The following FBXL18 variants were observed in gnomAD, a reference collection of about 807,000 sequenced individuals.
FBXL18 encodes F-box/LRR-repeat protein 18.
FBXL18 carries 36 observed loss-of-function variants against 46.0 expected under a neutral mutation model. The observed-to-expected ratio is 0.78, with a 90% CI of 0.60 to 1.03. The LOEUF (loss-of-function observed/expected upper bound fraction) is 1.03, where lower values mean the gene tolerates loss of function less well. FBXL18 is among the 50% of genes least tolerant of loss of function. FBXL18 has a pLI of 0.00. For missense variants in FBXL18, 977 were observed against 1,004.1 expected, an observed-to-expected ratio of 0.97 and a Z score of 0.36; for synonymous variants, 557 against 465.3, an observed-to-expected ratio of 1.20 and a Z score of -2.54.
At chr7:5,484,812 T>A (rs1302321880) in intron 4 of FBXL18, among the ~76,000 whole-genome samples, 1 of 152,012 alleles carries the variant, frequency 6.6e-6, no homozygotes, top group Non-Finnish European at 1.5e-5. Flanking sequence ...CTAATTTTTG[T>A]ATCTTTAGTA....
rs1446235137 is a variant in FBXL18, at chr7:5,500,801, G to C, written c.1468C>G (p.Leu490Val). The C allele has an allele frequency of 1.9e-6, 3 of 1,612,538 alleles. No individual in the cohort carries two copies. Among genetic ancestry groups the C allele is most frequent in the Admixed American group, 3.3e-5 (2 of 59,958 alleles). ...KNLPFLEHLE[L>V]IGSNFSSAMP... ...GCGGAGGAGAAGTTGGACCCAATCAGCTCGAGGTGTTCCAGGAAGGGCAGG... is the reference window on the plus strand; with the variant it reads ...GCGGAGGAGAAGTTGGACCCAATCACCTCGAGGTGTTCCAGGAAGGGCAGG... Residue 490 changes from leucine to valine, a missense_variant, in exon 3 of 5, where the codon CTG (leucine) becomes GTG (valine). Transcript: ENST00000382368.
chr7:5,473,133 G>C (rs1217904896), downstream of FBXL18, among the ~76,000 whole-genome samples: 1 of 152,128 alleles, frequency 6.6e-6, no homozygotes, highest in Non-Finnish European at 1.5e-5. Context: ...GGGACGGTGT[G>C]TACATGTCAA....
chr7:5,481,864 C>T lies in FBXL18; in HGVS notation c.2068G>A (p.Val690Ile). Residue 690 changes from valine (V) to isoleucine (I), a missense_variant, in exon 5 of 5, where the codon GTC becomes ATC. Transcript: ENST00000382368. Reference sequence around the variant, plus strand: ...TGCACCAGGGGGACGTCCCGGATGACGTCGGTCAGGCCCTCGTGGAGCAGA... The same window carrying T: ...TGCACCAGGGGGACGTCCCGGATGATGTCGGTCAGGCCCTCGTGGAGCAGA... ...FPLLHEGLTD[V>I]IRDVPLVHLD... 4.3e-6 allele frequency: 7 copies of T among 1,613,814 alleles called. No individual in the cohort carries two copies. The highest frequency in any genetic ancestry group is 3.3e-5 in the South Asian group (3 of 91,080).
chr7:5,499,144 C>T (rs759000825), intron 3 of FBXL18, among the ~76,000 whole-genome samples: 1 of 152,196 alleles, frequency 6.6e-6, no homozygotes, highest in Admixed American at 6.5e-5. Context: ...CATCACCTCC[C>T]AGGAGTCTGT....
At position 5,503,198 on chromosome 7, in the gene FBXL18, T is replaced by C. The variant is rs188334250; in HGVS notation, c.238-1167A>G. Among the ~76,000 whole-genome samples, 148 of 152,326 alleles carry C rather than the reference T, an allele frequency of 9.7e-4. 1 individual carries two copies. In the South Asian group the frequency reaches 0.021, roughly 22 times the overall value. ...GGGATGGAGACCAGCTTGGGAAACATAGCGAGACCCCATATCTACCAAAAA... is the reference window on the plus strand; with the variant it reads ...GGGATGGAGACCAGCTTGGGAAACACAGCGAGACCCCATATCTACCAAAAA... On this transcript the variant is annotated intron_variant, in intron 2 of 4. Coordinates refer to ENST00000382368, the MANE Select transcript of FBXL18 (RefSeq NM_024963.6).
chr7:5,501,534 C>T lies in FBXL18; in HGVS notation c.735G>A (p.Glu245=). The change falls in exon 3 of 5, where the codon GAG becomes GAA. Residue 245 remains glutamate, a synonymous_variant. Coordinates refer to ENST00000382368, the MANE Select transcript of FBXL18 (RefSeq NM_024963.6). The stretch of plus-strand genomic sequence containing the variant: ...GCACAGCCAGGTAGAGCCGCACCAC[C>T]TCCTGGTTGATGTAGCCGGGGGCCA... ...ARLAPGYINQ[E]VVRLYLAVLS... The T allele has an allele frequency of 6.2e-7, 1 of 1,613,952 alleles. No homozygotes were observed. The highest frequency in any genetic ancestry group is 8.5e-7 in the Non-Finnish European group (1 of 1,180,012).
intron 3 of FBXL18, among the ~76,000 whole-genome samples, chr7:5,499,803 C>T (rs573371491): frequency 1.5e-4 from 22 of 151,118 alleles, no homozygotes; most frequent in African/African-American, 3.2e-4. Context: ...CCTGTAATCC[C>T]AGCACCAGCA....
At position 5,478,135 on chromosome 7, in the gene FBXL18, G is replaced by A. The variant is rs186094440; in HGVS notation, c.*3640C>T. The A allele has an allele frequency of 4.0e-3, 607 of 152,496 alleles. No homozygotes were observed. The highest frequency in any genetic ancestry group is 7.0e-3 in the South Asian group (34 of 4,834). The allele number at this position is 152,496 out of a possible 1,614,324, so 9.4% of individuals were successfully genotyped here. A position where few individuals can be genotyped will look rare whatever the true frequency, so the allele number is the denominator to read the frequency against. On this transcript the variant is annotated 3_prime_UTR_variant, in exon 5 of 5. Transcript: ENST00000382368. ...CCCGTCCTGGCTGCCGTCCTGGGTC[G>A]AAGCAGCAAGTGTCTTCCCGCCCTG...
At chr7:5,503,881 C>T (rs1405562031) in intron 2 of FBXL18, among the ~76,000 whole-genome samples, 4 of 151,700 alleles carry the variant, frequency 2.6e-5, no homozygotes, top group South Asian at 2.1e-4. Flanking sequence ...GCAGGAAAAA[C>T]GCTTGAACCC....
intron 4 of FBXL18, among the ~76,000 whole-genome samples, chr7:5,460,250 CAAA>C (rs767563355): frequency 6.6e-6 from 1 of 151,666 alleles, no homozygotes; most frequent in Non-Finnish European, 1.5e-5. Context: ...ACTCGGTCTC[CAAA>C]AAAACAAACA....
At chr7:5,498,230 G>C (rs545639430) in intron 3 of FBXL18, among the ~76,000 whole-genome samples, 1 of 151,960 alleles carries the variant, frequency 6.6e-6, no homozygotes, top group African/African-American at 2.4e-5. Context: ...TGGGACTACA[G>C]GCGCCCACCA....
Position 5,501,893 on chromosome 7 carries a change from G to C in FBXL18, c.376C>G (p.Leu126Val). The C allele has an allele frequency of 6.2e-7, 1 of 1,603,478 alleles. No individual in the cohort carries two copies. The highest frequency in any genetic ancestry group is 8.5e-7 in the Non-Finnish European group (1 of 1,176,116). The change falls in exon 3 of 5, where the codon CTC (leucine) becomes GTC (valine). Residue 126 changes from leucine (L) to valine (V), a missense_variant. By Grantham distance (32) the Leu-to-Val change is conservative. Transcript: ENST00000382368. ...AGGGAAGTGAGGTGGCAGCCCGAGA[G>C]GTTCACCTTCACCAGGCTGCGGCAG... is the stretch of plus-strand genomic sequence containing the variant. ...ARCRSLVKVN[L>V]SGCHLTSLRL... is the part of the protein sequence containing the mutation.
chr7:5,487,570 C>G (rs1277970625), intron 4 of FBXL18, among the ~76,000 whole-genome samples: 3 of 152,230 alleles, frequency 2.0e-5, no homozygotes. Flanking sequence ...CCAGCACTCA[C>G]TCCCTGCCTC....
Position 5,467,210 on chromosome 7 carries a change from G to C in FBXL18, c.2001-19367C>G, listed in dbSNP as rs1318000305. On this transcript the variant is annotated intron_variant and NMD_transcript_variant, in intron 4 of 6. Transcript: ENST00000415009. Reference sequence around the variant, plus strand: ...ACTAAAAATACAAAAAATTAGCCAGGCGCGGTGGCGAGCGCCTGTAGTCCC... The same window carrying C: ...ACTAAAAATACAAAAAATTAGCCAGCCGCGGTGGCGAGCGCCTGTAGTCCC... Among the ~76,000 whole-genome samples the C allele has an allele frequency of 3.3e-5, 5 of 152,120 alleles. No individual in the cohort carries two copies. In the East Asian group the frequency reaches 9.6e-4, roughly 29 times the overall value.
intron 4 of FBXL18, among the ~76,000 whole-genome samples, chr7:5,460,372 G>C (rs899346859): frequency 6.6e-6 from 1 of 152,188 alleles, no homozygotes; most frequent in African/African-American, 2.4e-5. Context: ...AAGGCCAATA[G>C]TTGAAGACAC....
In FBXL18 at chr7:5,481,873, G is replaced by A. The variant is rs1783655853; in HGVS notation, c.2059C>T (p.Leu687=). ...GGGACGTCCCGGATGACGTCGGTCA[G>A]GCCCTCGTGGAGCAGAGGGAAGATG... ...VVIFPLLHEG[L]TDVIRDVPLV... The change falls in exon 5 of 5, where the codon CTG becomes TTG. Residue 687 remains leucine (L), a synonymous_variant. Transcript: ENST00000382368. 1 of 1,613,782 alleles carries A rather than the reference G, an allele frequency of 6.2e-7. No individual in the cohort carries two copies. The highest frequency in any genetic ancestry group is 8.5e-7 in the Non-Finnish European group (1 of 1,179,942).
intron 4 of FBXL18, chr7:5,490,032 G>T (rs1213198315): frequency 7.5e-7 from 1 of 1,328,970 alleles, no homozygotes; most frequent in Non-Finnish European, 1.0e-6. Context: ...CAACCAGAGA[G>T]GGGGAAACCC....
chr7:5,459,785 C>T (rs796449482), intron 4 of FBXL18, among the ~76,000 whole-genome samples: 90 of 151,004 alleles, frequency 6.0e-4, no homozygotes, highest in African/African-American at 2.0e-3. Flanking sequence ...TGGTGGTGTG[C>T]ACCTGTAATC....
chr7:5,505,581 G>A lies in FBXL18; in HGVS notation c.68C>T (p.Ala23Val), dbSNP rs1023878583. ...DDMHPAAAGMADGVHLLGFSD... is the reference protein window; with the variant it reads ...DDMHPAAAGMVDGVHLLGFSD... ...GAACCCTAGGAGGTGGACCCCGTCT[G>A]CCATCCCGGCTGCTGCAGGGTGCAT... Residue 23 changes from alanine (A) to valine (V), a missense_variant, in exon 2 of 5, where the codon GCA becomes GTA. Ala to Val is a moderately conservative substitution (Grantham distance 64, BLOSUM62 0). Transcript: ENST00000382368. 1.5e-5 allele frequency: 24 copies of A among 1,613,926 alleles called. No individual in the cohort carries two copies. In the Admixed American group the frequency reaches 3.7e-4, roughly 25 times the overall value.
Sources: allele counts gnomAD v4.1 joint callset (sites outside exome capture counted in the v4.1 genomes callset), GRCh38; gene constraint gnomAD v4.1.1; transcripts MANE v1.5; gene names NCBI Gene and HGNC (gene_info 2026-07-23, HGNC 2026-07-21).